IGF1R: variants seen among roughly 807,000 people sequenced by gnomAD.
IGF1R encodes the protein insulin like growth factor 1 receptor, also known as insulin-like growth factor 1 receptor.
In IGF1R, 44 loss-of-function variants were observed where a neutral mutation model predicts 144.6. That is an observed-to-expected ratio of 0.30 (90% CI 0.24 to 0.39). The LOEUF (loss-of-function observed/expected upper bound fraction) is 0.39. IGF1R is among the 10% of genes least tolerant of loss of function. The pLI is 1.00. For missense variants in IGF1R, 1,355 were observed against 1,833.7 expected (o/e 0.74, Z 4.77); for synonymous variants, 795 against 722.8 (o/e 1.10, Z -1.60).
intron 1 of IGF1R, among the ~76,000 whole-genome samples, chr15:98,692,001 T>G (rs1217594514): frequency 6.6e-6 from 1 of 152,160 alleles, no homozygotes; most frequent in African/African-American, 2.4e-5. Context: ...GTTATTAGAT[T>G]GGTAATTTTT....
intron 2 of IGF1R, among the ~76,000 whole-genome samples, chr15:98,876,052 G>T (rs1209994140): frequency 1.3e-5 from 2 of 152,100 alleles, no homozygotes; most frequent in Admixed American, 6.6e-5. Context: ...TTTACAATTT[G>T]CATGATAGTC....
chr15:98,826,908 C>T (rs978836975), intron 2 of IGF1R, among the ~76,000 whole-genome samples: 3 of 152,174 alleles, frequency 2.0e-5, no homozygotes, highest in Admixed American at 6.5e-5. Context: ...CTCTCTGTGA[C>T]GTGTGAAAAG....
intron 2 of IGF1R, among the ~76,000 whole-genome samples, chr15:98,882,664 G>C (rs1444616738): frequency 6.6e-6 from 1 of 152,200 alleles, no homozygotes; most frequent in African/African-American, 2.4e-5. Flanking sequence ...GAAGAAGAGA[G>C]TGAATAGGGA....
At chr15:98,928,352 TC>T (rs1342894425) in intron 13 of IGF1R, among the ~76,000 whole-genome samples, 1 of 151,954 alleles carries the variant, frequency 6.6e-6, no homozygotes, top group Non-Finnish European at 1.5e-5. Flanking sequence ...ACATGGCATG[TC>T]CCCCCAATTC....
intron 2 of IGF1R, among the ~76,000 whole-genome samples, chr15:98,857,198 G>A (rs538683125): frequency 4.2e-4 from 64 of 152,204 alleles, no homozygotes; most frequent in African/African-American, 1.4e-3. Flanking sequence ...AAACTGTTTT[G>A]TGTACATCTT....
At chr15:98,742,367 A>G (rs551257119) in intron 2 of IGF1R, among the ~76,000 whole-genome samples, 2 of 152,326 alleles carry the variant, frequency 1.3e-5, no homozygotes, top group East Asian at 1.9e-4. Context: ...GATCATTCAT[A>G]TAGCCAGCAG....
intron 19 of IGF1R, among the ~76,000 whole-genome samples, chr15:98,945,476 C>CT (rs1186096788): frequency 6.6e-6 from 1 of 152,204 alleles, no homozygotes; most frequent in African/African-American, 2.4e-5. Flanking sequence ...TTAGAAAGGG[C>CT]TTTACACAGA....
In IGF1R at chr15:98,690,659, A is replaced by G. The variant is rs929993823; in HGVS notation, c.95-16903A>G. On this transcript the variant is annotated intron_variant, in intron 1 of 20. Transcript: ENST00000650285. ...TTTCTTATGGAAATTAGAACAATAC[A>G]CAGTTACAGAGTAGAAGGTGATAGG... Among the ~76,000 whole-genome samples the G allele has an allele frequency of 3.3e-5, 5 of 152,362 alleles. No homozygotes were observed. The East Asian group carries it at 7.7e-4, about 24-fold the overall frequency.
chr15:98,783,071 G>A (rs1251061305), intron 2 of IGF1R, among the ~76,000 whole-genome samples: 1 of 152,148 alleles, frequency 6.6e-6, no homozygotes, highest in Admixed American at 6.5e-5. Context: ...GGCTGCTGGA[G>A]GATGGCAAGT....
At chr15:98,690,238 G>A (rs1305216271) in intron 1 of IGF1R, among the ~76,000 whole-genome samples, 1 of 152,178 alleles carries the variant, frequency 6.6e-6, no homozygotes, top group African/African-American at 2.4e-5. Flanking sequence ...AGCTACTCAG[G>A]AGGCTGAGGC....
At chr15:98,686,025 A>C (rs867473493) in intron 1 of IGF1R, among the ~76,000 whole-genome samples, 2 of 152,218 alleles carry the variant, frequency 1.3e-5, no homozygotes, top group Non-Finnish European at 2.9e-5. Flanking sequence ...CTCCATGTCC[A>C]TCAAACAACT....
At chr15:98,941,862 A>G (rs891207937) in intron 18 of IGF1R, among the ~76,000 whole-genome samples, 1 of 152,192 alleles carries the variant, frequency 6.6e-6, no homozygotes, top group Non-Finnish European at 1.5e-5. Context: ...TCTCCTGGGA[A>G]GGAGAACGGA....
intron 2 of IGF1R, among the ~76,000 whole-genome samples, chr15:98,731,965 A>G (rs1314805750): frequency 6.6e-6 from 1 of 152,174 alleles, no homozygotes; most frequent in Non-Finnish European, 1.5e-5. Flanking sequence ...TCTCAGAGAG[A>G]CAGTCTTCAC....
At chr15:98,852,827 G>A (rs531986411) in intron 2 of IGF1R, among the ~76,000 whole-genome samples, 1 of 152,264 alleles carries the variant, frequency 6.6e-6, no homozygotes, top group Non-Finnish European at 1.5e-5. Context: ...GCAGGCCTTT[G>A]ACACCCCGTC....
At position 98,958,802 on chromosome 15, in the gene IGF1R, T is replaced by C. The variant is rs564068661; in HGVS notation, c.*1360T>C. The C allele has an allele frequency of 8.6e-6, 2 of 233,324 alleles. No individual in the cohort carries two copies. Among genetic ancestry groups the C allele is most frequent in the Non-Finnish European group, 1.7e-5 (2 of 117,784 alleles). 14.5% of individuals were successfully genotyped at this position (233,324 alleles called of 1,614,324 possible). A position where few individuals can be genotyped will look rare whatever the true frequency, so the allele number is the denominator to read the frequency against. On this transcript the variant is annotated 3_prime_UTR_variant, in exon 21 of 21. Coordinates refer to ENST00000650285, the MANE Select transcript of IGF1R (RefSeq NM_000875.5). The stretch of plus-strand genomic sequence containing the variant: ...CCCCTTTCTGCTCACTCCAAGAAAC[T>C]TCTTATGCTTTGTACTAGAGTGCGT...
At chr15:98,702,119 T>G (rs2053751356) in intron 1 of IGF1R, among the ~76,000 whole-genome samples, 1 of 148,562 alleles carries the variant, frequency 6.7e-6, no homozygotes. Flanking sequence ...TCCAAATACT[T>G]AGCTACACAG....
intron 2 of IGF1R, among the ~76,000 whole-genome samples, chr15:98,750,625 C>T (rs1253397819): frequency 6.6e-6 from 1 of 152,088 alleles, no homozygotes; most frequent in Non-Finnish European, 1.5e-5. Context: ...GGAGTTCAAG[C>T]CTAGCCTGGG....
At chr15:98,727,195 G>T (rs114674522) in intron 2 of IGF1R, among the ~76,000 whole-genome samples, 1 of 152,260 alleles carries the variant, frequency 6.6e-6, no homozygotes, top group East Asian at 1.9e-4. Flanking sequence ...ACAGGTTGTC[G>T]TAAAGGAAGA....
At chr15:98,922,903 G>C (rs2015551452) in intron 11 of IGF1R, among the ~76,000 whole-genome samples, 1 of 152,172 alleles carries the variant, frequency 6.6e-6, no homozygotes, top group Non-Finnish European at 1.5e-5. Flanking sequence ...CTTGTTGTTA[G>C]ACACTGCCTG....
Sources: allele counts gnomAD v4.1 joint callset (sites outside exome capture counted in the v4.1 genomes callset), GRCh38; gene constraint gnomAD v4.1.1; transcripts MANE v1.5; gene names NCBI Gene and HGNC (gene_info 2026-07-23, HGNC 2026-07-21).